The following RAD18 variants were observed in gnomAD, a reference collection of about 807,000 sequenced individuals.
RAD18 encodes RAD18 E3 ubiquitin protein ligase.
A neutral mutation model predicts 60.4 loss-of-function variants in RAD18; 47 were observed. The observed-to-expected ratio is 0.78, with a 90% confidence interval of 0.62 to 0.99. The LOEUF (loss-of-function observed/expected upper bound fraction) is 0.99, where lower values mean the gene tolerates loss of function less well. Ranked by LOEUF, RAD18 falls within the 50% of genes least tolerant of loss-of-function variation. The probability of loss-of-function intolerance (pLI) is 0.00; values close to 1 mark genes in which losing one functional copy is unlikely to be tolerated. For missense variants in RAD18, 640 were observed against 593.3 expected, an observed-to-expected ratio of 1.08 and a Z score of -0.82; for synonymous variants, 225 against 195.5, an observed-to-expected ratio of 1.15 and a Z score of -1.26.
At chr3:8,948,485 T>A (rs1559797918) in intron 3 of RAD18, 24 bp downstream of exon 3, 1 of 1,594,138 alleles carries the variant, frequency 6.3e-7, no homozygotes, top group South Asian at 1.1e-5. Context: ...CAGTAAGTTT[T>A]AAAAAAAGGA....
intron 9 of RAD18, among the ~76,000 whole-genome samples, chr3:8,907,445 C>T (rs1486028603): frequency 1.3e-5 from 2 of 152,122 alleles, no homozygotes; most frequent in Non-Finnish European, 2.9e-5. Context: ...GGGCTCCTGG[C>T]TAAACTCCAC....
intron 7 of RAD18, among the ~76,000 whole-genome samples, chr3:8,935,097 T>C (rs760227103): frequency 5.3e-5 from 8 of 152,248 alleles, no homozygotes; most frequent in Non-Finnish European, 1.2e-4. Context: ...TTTGGGACGC[T>C]GGTAGTGATC....
In RAD18 at chr3:8,878,148, G is replaced by A. The variant is rs1939397798; in HGVS notation, c.*3209C>T. 1 of 152,282 alleles carries A rather than the reference G, an allele frequency of 6.6e-6. No homozygotes were observed. Among genetic ancestry groups the A allele is most frequent in the Non-Finnish European group, 1.5e-5 (1 of 68,102 alleles). The allele number at this position is 152,282 out of a possible 1,614,324, so 9.4% of individuals were successfully genotyped here. On this transcript the variant is annotated 3_prime_UTR_variant, in exon 13 of 13. Coordinates refer to ENST00000264926, the MANE Select transcript of RAD18 (RefSeq NM_020165.4). The stretch of plus-strand genomic sequence containing the variant: ...CAGATGCTGGTAGAAGTCTGTCGGG[G>A]GGAGCAGCAACATATGCAAGCATGG...
chr3:8,883,646 T>C (rs558372919), intron 12 of RAD18, among the ~76,000 whole-genome samples: 1 of 152,268 alleles, frequency 6.6e-6, no homozygotes, highest in East Asian at 1.9e-4. Flanking sequence ...AGCCTCATGG[T>C]TAACCAGAGG....
rs781535717 is a variant in RAD18 at position 8,893,923 on chromosome 3, C to T, written c.1323-3472G>A. On this transcript the variant is annotated intron_variant, in intron 11 of 12. Coordinates refer to ENST00000264926, the MANE Select transcript of RAD18 (RefSeq NM_020165.4). The stretch of plus-strand genomic sequence containing the variant: ...CAGGCTGGTTTCAAACTCCCAGGCT[C>T]AAGTGATCCTCCCGCCTTGCTTGGC... Among the ~76,000 whole-genome samples, 74 of 152,186 alleles carry T rather than the reference C, an allele frequency of 4.9e-4. 1 individual carries two copies. Among genetic ancestry groups the T allele is most frequent in the Non-Finnish European group, 6.0e-4 (41 of 68,006 alleles).
rs202202824 is a variant in RAD18 at position 8,948,553 on chromosome 3, T to G, written c.151A>C (p.Arg51=). 1 of 1,612,622 alleles carries G rather than the reference T, an allele frequency of 6.2e-7. No homozygotes were observed. Among genetic ancestry groups the G allele is most frequent in the South Asian group, 1.1e-5 (1 of 90,898 alleles). ...TGAGTTTTATAGGACAGAAATTTTC[T>G]TATACAGAGAGAGCAGTCTGCAAAA... ...CSHNYCSLCI[R]KFLSYKTQCP... is the part of the protein sequence containing the mutation. Residue 51 remains arginine, a synonymous_variant, in exon 3 of 13, where the codon AGA becomes CGA. Transcript: ENST00000264926.
Position 8,902,521 on chromosome 3 carries a change from C to G in RAD18, c.1028-1G>C. ...TGAAATTCACTCTTATGTTTTTTAC[C>G]TGAAATTCAAAAGATCTTCTCAGTA... On this transcript the variant is annotated splice_acceptor_variant, in intron 9 of 12. Coordinates refer to ENST00000264926, the MANE Select transcript of RAD18 (RefSeq NM_020165.4). LOFTEE classifies it high-confidence loss of function. The G allele has an allele frequency of 6.3e-7, 1 of 1,595,096 alleles. No homozygotes were observed. The highest frequency in any genetic ancestry group is 8.5e-7 in the Non-Finnish European group (1 of 1,173,408).
intron 6 of RAD18, among the ~76,000 whole-genome samples, chr3:8,937,824 TA>T (rs1940678138): frequency 6.6e-6 from 1 of 152,188 alleles, no homozygotes; most frequent in South Asian, 2.1e-4. Flanking sequence ...AGGTAGTGCT[TA>T]TAAGTTCACT....
chr3:8,960,876 A>AT (rs1941085447), intron 1 of RAD18, among the ~76,000 whole-genome samples: 1 of 152,138 alleles, frequency 6.6e-6, no homozygotes, highest in African/African-American at 2.4e-5. Context: ...CTGAATTTTA[A>AT]TTTTTTTCTA....
intron 12 of RAD18, chr3:8,890,067 G>T: frequency 3.0e-6 from 1 of 328,420 alleles, no homozygotes; most frequent in Non-Finnish European, 5.8e-6. Flanking sequence ...AGTATACTCT[G>T]ATGTTCCCAC....
chr3:8,935,840 G>C, intron 7 of RAD18, 31 bp downstream of exon 7: 1 of 1,477,812 alleles, frequency 6.8e-7, no homozygotes, highest in East Asian at 2.4e-5. Context: ...TATCCAGAAA[G>C]TAAGCATAAC....
At chr3:8,897,866 G>A (rs1378854855) in intron 11 of RAD18, among the ~76,000 whole-genome samples, 1 of 152,036 alleles carries the variant, frequency 6.6e-6, no homozygotes, top group Non-Finnish European at 1.5e-5. Flanking sequence ...AGGAGTTTGA[G>A]ACCAGCCTGG....
At chr3:8,898,366 ATGTGTGTGTGCATGCGTGTG>A (rs1266561906) in intron 11 of RAD18, among the ~76,000 whole-genome samples, 1 of 135,020 alleles carries the variant, frequency 7.4e-6, no homozygotes, top group Non-Finnish European at 1.6e-5. Flanking sequence ...AAAAACTGGT[ATGTGTGTGTGCATGCGTGTG>A]TGTGTGTGTG....
intron 11 of RAD18, among the ~76,000 whole-genome samples, chr3:8,897,933 G>A (rs553605505): frequency 6.6e-6 from 1 of 152,046 alleles, no homozygotes; most frequent in Admixed American, 6.5e-5. Context: ...TTAGCCAGGC[G>A]TGGTGGCACA....
chr3:8,904,945 C>A (rs1374761631), intron 9 of RAD18, among the ~76,000 whole-genome samples: 1 of 152,214 alleles, frequency 6.6e-6, no homozygotes, highest in Non-Finnish European at 1.5e-5. Flanking sequence ...AATCTAATTA[C>A]CCCACAGCTA....
intron 7 of RAD18, among the ~76,000 whole-genome samples, chr3:8,925,133 G>GA (rs1940409089): frequency 6.6e-6 from 1 of 151,706 alleles, no homozygotes; most frequent in African/African-American, 2.4e-5. Context: ...CTGGTTTTTT[G>GA]AAAAAATCAA....
rs183070512 is a variant in RAD18, at chr3:8,877,510, A to G, written c.*3847T>C. 6.6e-6 allele frequency: 1 copy of G among 152,332 alleles called. No individual in the cohort carries two copies. Among genetic ancestry groups the G allele is most frequent in the East Asian group, 1.9e-4 (1 of 5,184 alleles). 9.4% of individuals were successfully genotyped at this position (152,332 alleles called of 1,614,324 possible). On this transcript the variant is annotated 3_prime_UTR_variant, in exon 13 of 13. Coordinates refer to ENST00000264926, the MANE Select transcript of RAD18 (RefSeq NM_020165.4). ...CACATGAATTTTGGGGAAGACAGGGATAAGGAAAGAACATGGTGATTAATG... is the reference window on the plus strand; with the variant it reads ...CACATGAATTTTGGGGAAGACAGGGGTAAGGAAAGAACATGGTGATTAATG...
chr3:8,881,305 CA>C lies in RAD18; in HGVS notation c.*51del. 1 of 1,425,950 alleles carries C rather than the reference CA, an allele frequency of 7.0e-7. No individual in the cohort carries two copies. Among genetic ancestry groups the C allele is most frequent in the South Asian group, 1.2e-5 (1 of 82,256 alleles). The allele number at this position is 1,425,950 out of a possible 1,614,324, so 88.3% of individuals were successfully genotyped here. ...AAATAGAAAATCTATCTGTGGCAAC[CA>C]AAAGTACGGTATTCTAATCAATGCA... On this transcript the variant is annotated 3_prime_UTR_variant, in exon 13 of 13. Transcript: ENST00000264926.
At chr3:8,915,374 G>A (rs1006906101) in intron 7 of RAD18, among the ~76,000 whole-genome samples, 1 of 152,120 alleles carries the variant, frequency 6.6e-6, no homozygotes, top group African/African-American at 2.4e-5. Context: ...CCTAAACAAA[G>A]ATGAGTGCCT....
Sources: gnomAD v4.1 joint callset for allele counts (sites outside exome capture counted in the v4.1 genomes callset) on GRCh38, gnomAD v4.1.1 for gene constraint, MANE v1.5 for transcripts, NCBI Gene and HGNC (gene_info 2026-07-23, HGNC 2026-07-21) for gene names.